Variants in KAZN observed in about 807,000 individuals in gnomAD.
The protein encoded by KAZN is kazrin, periplakin interacting protein, also known as kazrin.
A neutral mutation model predicts 87.4 loss-of-function variants in KAZN; 40 were observed. That is an observed-to-expected ratio of 0.46 (90% CI 0.36 to 0.60). The LOEUF (loss-of-function observed/expected upper bound fraction) is 0.60, where lower values mean the gene tolerates loss of function less well. KAZN is among the 20% of genes least tolerant of loss of function. The pLI is 0.00. For synonymous variants in KAZN, 466 were observed against 458.3 expected (o/e 1.02, Z -0.22); for missense variants, 898 against 1,073.9 (o/e 0.84, Z 2.29).
chr1:14,107,387 G>A (rs1381491578), intron 1 of KAZN, among the ~76,000 whole-genome samples: 2 of 151,456 alleles, frequency 1.3e-5, no homozygotes, highest in Admixed American at 6.6e-5. Flanking sequence ...TTGTTTGTTT[G>A]TTTTTTTGCC....
chr1:14,643,551 C>A (rs1680570654), intron 1 of KAZN, among the ~76,000 whole-genome samples: 1 of 152,136 alleles, frequency 6.6e-6, no homozygotes, highest in African/African-American at 2.4e-5. Flanking sequence ...ACCACATTTT[C>A]TTTATCCAGT....
intron 1 of KAZN, among the ~76,000 whole-genome samples, chr1:14,713,031 G>A (rs989826619): frequency 1.3e-5 from 2 of 152,158 alleles, no homozygotes; most frequent in Non-Finnish European, 2.9e-5. Context: ...CATAGACAGT[G>A]AGTACACAAT....
chr1:14,567,658 G>A (rs915868906), intron 2 of KAZN, among the ~76,000 whole-genome samples: 7 of 152,184 alleles, frequency 4.6e-5, no homozygotes, highest in African/African-American at 1.7e-4. Context: ...TAAAAATGGT[G>A]TTTAGTACTG....
chr1:14,099,066 A>G lies in KAZN; in HGVS notation c.92-81369A>G, dbSNP rs561682111. Among the ~76,000 whole-genome samples, 579 of 152,190 alleles carry G rather than the reference A, an allele frequency of 3.8e-3. 4 individuals carry two copies. Among genetic ancestry groups the G allele is most frequent in the African/African-American group, 0.013 (547 of 41,526 alleles). ...GCCTCCTATCTTTGTTCAGTGTTCT[A>G]CTTAGTTTGATTGGGTAGCCTCTCC... On this transcript the variant is annotated intron_variant, in intron 1 of 16. Transcript: ENST00000636203.
chr1:13,904,964 A>G (rs1244685243), intron 1 of KAZN, among the ~76,000 whole-genome samples: 2 of 152,156 alleles, frequency 1.3e-5, no homozygotes, highest in Non-Finnish European at 2.9e-5. Flanking sequence ...ATTCTGGATA[A>G]TGACTTTAAA....
chr1:14,272,233 G>C (rs909425120), intron 2 of KAZN, among the ~76,000 whole-genome samples: 1 of 152,136 alleles, frequency 6.6e-6, no homozygotes, highest in African/African-American at 2.4e-5. Context: ...GGCATGGGTG[G>C]CTTTGCTGCA....
intron 1 of KAZN, among the ~76,000 whole-genome samples, chr1:14,003,332 T>TAAAAAAAAAAA (rs572382814): frequency 3.1e-5 from 4 of 128,804 alleles, no homozygotes; most frequent in Non-Finnish European, 3.3e-5. Flanking sequence ...AAAGTAAAAT[T>TAAAAAAAAAAA]AAAAAAAAAA....
intron 2 of KAZN, among the ~76,000 whole-genome samples, chr1:14,520,922 G>C (rs1671552023): frequency 6.6e-6 from 1 of 152,166 alleles, no homozygotes; most frequent in Admixed American, 6.5e-5. Context: ...CCCTGGGCAG[G>C]GCAGGTTCCC....
upstream of KAZN, among the ~76,000 whole-genome samples, chr1:14,595,848 CT>C (rs1018362613): frequency 1.7e-4 from 26 of 151,970 alleles, no homozygotes; most frequent in South Asian, 6.3e-4. Flanking sequence ...GAAAAAGCCC[CT>C]TTTTTTCATG....
chr1:14,315,886 A>ATT (rs144726128), intron 2 of KAZN, among the ~76,000 whole-genome samples: 8 of 149,322 alleles, frequency 5.4e-5, no homozygotes, highest in East Asian at 2.0e-4. Flanking sequence ...TTGTATGAAC[A>ATT]TTTTTTTTTT....
intron 8 of KAZN, among the ~76,000 whole-genome samples, chr1:15,087,089 C>G (rs1417232727): frequency 6.6e-6 from 1 of 152,156 alleles, no homozygotes; most frequent in Non-Finnish European, 1.5e-5. Context: ...ACTTCCAAAC[C>G]AACGGAGGGT....
chr1:14,218,659 A>G (rs1228495009), intron 2 of KAZN, among the ~76,000 whole-genome samples: 5 of 148,978 alleles, frequency 3.4e-5, no homozygotes, highest in African/African-American at 1.3e-4. Context: ...AAATTTATGA[A>G]TTCATAAGGA....
chr1:14,856,734 G>T lies in KAZN; in HGVS notation c.227-103950G>T, dbSNP rs1650156730. Among the ~76,000 whole-genome samples the T allele has an allele frequency of 6.6e-6, 1 of 152,104 alleles. No homozygotes were observed. The highest frequency in any genetic ancestry group is 6.6e-5 in the Admixed American group (1 of 15,264). ...TCCTAAATCTTGGATTATTCTCAAG[G>T]ACAATGGCCATTATGTCCATTCTTC... On this transcript the variant is annotated intron_variant, in intron 1 of 14. Transcript: ENST00000376030. The surrounding 1 kb of genome is among the most constrained non-coding windows in gnomAD (Gnocchi z 5.2).
At chr1:15,070,247 C>T (rs1428531639) in intron 8 of KAZN, among the ~76,000 whole-genome samples, 1 of 152,252 alleles carries the variant, frequency 6.6e-6, no homozygotes, top group Non-Finnish European at 1.5e-5. Flanking sequence ...TAGCCTCTGA[C>T]ACAGCTTTGC....
At chr1:14,619,924 C>T (rs955577199) in intron 1 of KAZN, among the ~76,000 whole-genome samples, 37 of 152,186 alleles carry the variant, frequency 2.4e-4, no homozygotes, top group Admixed American at 4.6e-4. Context: ...CACATGATAT[C>T]CATTCATTTA....
intron 3 of KAZN, among the ~76,000 whole-genome samples, chr1:15,042,880 G>A (rs531275712): frequency 6.6e-6 from 1 of 152,342 alleles, no homozygotes; most frequent in East Asian, 1.9e-4. Flanking sequence ...TGGTGAATGG[G>A]AAGATGGTGG....
At chr1:14,484,808 G>A (rs140220255) in intron 2 of KAZN, among the ~76,000 whole-genome samples, 4 of 152,228 alleles carry the variant, frequency 2.6e-5, no homozygotes, top group African/African-American at 9.6e-5. Flanking sequence ...TTTGCTCTGG[G>A]GTCTCATTCT....
In KAZN at chr1:15,060,279, C is replaced by T; in HGVS notation, c.1024C>T (p.His342Tyr). 2 of 1,614,226 alleles carry T rather than the reference C, an allele frequency of 1.2e-6. No homozygotes were observed. Among genetic ancestry groups the T allele is most frequent in the Non-Finnish European group, 8.5e-7 (1 of 1,180,022 alleles). Reference sequence around the variant, plus strand: ...ACCGAGCGACATCAACTCCCCTCGACACCGGACACACTCCCTCTGCAACGT... The same window carrying T: ...ACCGAGCGACATCAACTCCCCTCGATACCGGACACACTCCCTCTGCAACGT... The part of the protein sequence containing the change: ...STPSDINSPR[H>Y]RTHSLCNGDS... Residue 342 changes from histidine (H) to tyrosine (Y), a missense_variant, in exon 6 of 15, where the codon CAC becomes TAC. His to Tyr is a moderately conservative substitution (Grantham distance 83). Transcript: ENST00000376030.
rs1363658664 is a variant in KAZN at position 14,599,636 on chromosome 1, T to G, written c.226+413T>G. Among the ~76,000 whole-genome samples, 1 of 152,194 alleles carries G rather than the reference T, an allele frequency of 6.6e-6. No homozygotes were observed. Among genetic ancestry groups the G allele is most frequent in the Admixed American group, 6.5e-5 (1 of 15,284 alleles). On this transcript the variant is annotated intron_variant, in intron 1 of 14. Transcript: ENST00000376030. The surrounding 1 kb of genome is among the most constrained non-coding windows in gnomAD (Gnocchi z 4.4). The stretch of plus-strand genomic sequence containing the variant: ...CCTTAGGCTCCTTCCCAGAGAGAGC[T>G]CCGGGCTCTGCCGCCGTGGTTGGGA...
Sources: allele counts gnomAD v4.1 joint callset (sites outside exome capture counted in the v4.1 genomes callset), GRCh38; gene constraint gnomAD v4.1.1; non-coding constraint Gnocchi (gnomAD v3.1); transcripts MANE v1.5; gene names NCBI Gene and HGNC (gene_info 2026-07-23, HGNC 2026-07-21).